The following GALNT18 variants were observed in gnomAD, a reference collection of about 807,000 sequenced individuals.
The protein encoded by GALNT18 is polypeptide N-acetylgalactosaminyltransferase 18, also known as GalNAc-transferase 18.
A neutral mutation model predicts 69.5 loss-of-function variants in GALNT18; 44 were observed. The observed-to-expected ratio is 0.63, with a 90% CI of 0.50 to 0.81. GALNT18 has a LOEUF of 0.81. Among genes scored for constraint, GALNT18 ranks in the 40% least tolerant of loss-of-function variants. The pLI, the probability that GALNT18 is intolerant of heterozygous loss-of-function variation, is 0.00. For synonymous variants in GALNT18, 364 were observed against 318.2 expected (o/e 1.14, Z -1.53); for missense variants, 715 against 810.0 (o/e 0.88, Z 1.42).
At position 11,621,276 on chromosome 11, in the gene GALNT18, T is replaced by C. The variant is rs1021409758; in HGVS notation, c.235+83A>G. The C allele has an allele frequency of 1.7e-6, 2 of 1,148,946 alleles. No homozygotes were observed. Among genetic ancestry groups the C allele is most frequent in the Non-Finnish European group, 2.5e-6 (2 of 791,238 alleles). The allele number at this position is 1,148,946 out of a possible 1,614,324, so 71.2% of individuals were successfully genotyped here. On this transcript the variant is annotated intron_variant, in intron 1 of 10. Coordinates refer to ENST00000227756, the MANE Select transcript of GALNT18 (RefSeq NM_198516.3). This position sits in a 1 kb window ranked among gnomAD's most constrained non-coding sequence, Gnocchi z 9.3. Reference sequence around the variant, plus strand: ...CAGAGCCCCGCCGTGGCTGAGTTGATGCGCACCAGCCCCAGCGCACCCCGC... The same window carrying C: ...CAGAGCCCCGCCGTGGCTGAGTTGACGCGCACCAGCCCCAGCGCACCCCGC...
chr11:11,329,784 C>G (rs1849987869), intron 8 of GALNT18, among the ~76,000 whole-genome samples: 1 of 152,176 alleles, frequency 6.6e-6, no homozygotes, highest in Admixed American at 6.5e-5. Context: ...AAATGACTGG[C>G]ATTCCCAAAT....
At chr11:11,556,401 C>T (rs568453432) in intron 1 of GALNT18, among the ~76,000 whole-genome samples, 193 of 152,312 alleles carry the variant, frequency 1.3e-3, no homozygotes, top group Non-Finnish European at 2.3e-3. Flanking sequence ...TGGGGTAAGT[C>T]GCCAACATGG....
chr11:11,507,534 C>T (rs1352515015), intron 1 of GALNT18, among the ~76,000 whole-genome samples: 1 of 152,080 alleles, frequency 6.6e-6, no homozygotes, highest in East Asian at 1.9e-4. Flanking sequence ...TCTTCTTCCC[C>T]TTCCCTAACT....
rs1189375868 is a variant in GALNT18, at chr11:11,617,925, CT to C, written c.235+3433del. Among the ~76,000 whole-genome samples the C allele has an allele frequency of 1.3e-5, 2 of 152,088 alleles. No homozygotes were observed. The highest frequency in any genetic ancestry group is 2.9e-5 in the Non-Finnish European group (2 of 68,020). On this transcript the variant is annotated intron_variant, in intron 1 of 10. Coordinates refer to ENST00000227756, the MANE Select transcript of GALNT18 (RefSeq NM_198516.3). This position sits in a 1 kb window ranked among gnomAD's most constrained non-coding sequence, Gnocchi z 4.7. Reference sequence around the variant, plus strand: ...TTTGTGTTTCTAAACCCCCAGGATGCTTTTTTTAAAAACTCATAAGTTATCC... The same window carrying C: ...TTTGTGTTTCTAAACCCCCAGGATGCTTTTTTAAAAACTCATAAGTTATCC...
At chr11:11,274,047 G>GGT (rs1472490019) in intron 10 of GALNT18, among the ~76,000 whole-genome samples, 4 of 152,128 alleles carry the variant, frequency 2.6e-5, no homozygotes, top group African/African-American at 9.7e-5. Context: ...GCTGAAGCAG[G>GGT]GTGGGTTATC....
chr11:11,427,056 A>G (rs1394862605), intron 3 of GALNT18, among the ~76,000 whole-genome samples: 1 of 152,232 alleles, frequency 6.6e-6, no homozygotes, highest in East Asian at 1.9e-4. Flanking sequence ...CTGGGATTAC[A>G]GGCATGAGCC....
chr11:11,464,481 G>A (rs1435224437), intron 1 of GALNT18, among the ~76,000 whole-genome samples: 1 of 152,146 alleles, frequency 6.6e-6, no homozygotes, highest in East Asian at 1.9e-4. Flanking sequence ...AAGGAGGCAT[G>A]GGCCCAGATC....
intron 1 of GALNT18, among the ~76,000 whole-genome samples, chr11:11,464,436 G>C (rs1390667505): frequency 6.6e-6 from 1 of 152,116 alleles, no homozygotes; most frequent in Non-Finnish European, 1.5e-5. Context: ...CTGATGCACA[G>C]CCTGTCTTGG....
At chr11:11,425,053 C>T (rs1298183853) in intron 3 of GALNT18, among the ~76,000 whole-genome samples, 1 of 152,170 alleles carries the variant, frequency 6.6e-6, no homozygotes, top group Admixed American at 6.5e-5. Flanking sequence ...GGCACACTGG[C>T]AGGTTTCTGC....
chr11:11,341,144 T>A lies in GALNT18; in HGVS notation c.1093-140A>T. The stretch of plus-strand genomic sequence containing the variant: ...CCCCAGATCACTCTCTGTGAAGGAG[T>A]AGGCCATACCTGATTTCTGCTCCTA... On this transcript the variant is annotated intron_variant, in intron 6 of 10. Transcript: ENST00000227756. The surrounding 1 kb of genome is among the most constrained non-coding windows in gnomAD (Gnocchi z 6.3). 1.4e-6 allele frequency: 1 copy of A among 698,834 alleles called. No homozygotes were observed. The highest frequency in any genetic ancestry group is 2.3e-6 in the Non-Finnish European group (1 of 427,142). The allele number at this position is 698,834 out of a possible 1,614,324, so 43.3% of individuals were successfully genotyped here. A position where few individuals can be genotyped will look rare whatever the true frequency, so the allele number is the denominator to read the frequency against.
At chr11:11,291,516 G>T (rs1479184626) in intron 10 of GALNT18, among the ~76,000 whole-genome samples, 9 of 150,384 alleles carry the variant, frequency 6.0e-5, no homozygotes. Flanking sequence ...TTCCTATTGG[G>T]ATAGAACTTC....
intron 1 of GALNT18, among the ~76,000 whole-genome samples, chr11:11,514,590 C>A (rs1032019794): frequency 1.3e-5 from 2 of 152,204 alleles, no homozygotes; most frequent in African/African-American, 4.8e-5. Context: ...ACTAGTCCTG[C>A]GACCCCTTCC....
intron 6 of GALNT18, among the ~76,000 whole-genome samples, chr11:11,348,645 A>T (rs1850346249): frequency 6.6e-6 from 1 of 152,120 alleles, no homozygotes; most frequent in Non-Finnish European, 1.5e-5. Context: ...CTCATCTCTC[A>T]TGCCATCTAG....
chr11:11,450,746 C>T (rs1184398437), intron 1 of GALNT18, among the ~76,000 whole-genome samples: 1 of 152,220 alleles, frequency 6.6e-6, no homozygotes, highest in Non-Finnish European at 1.5e-5. Context: ...AGGCTCTGTC[C>T]TAAGCATTTT....
At chr11:11,280,274 A>AAG (rs1322458596) in intron 10 of GALNT18, among the ~76,000 whole-genome samples, 2 of 152,134 alleles carry the variant, frequency 1.3e-5, no homozygotes, top group East Asian at 3.9e-4. Flanking sequence ...CGGCCTCTGA[A>AAG]AGGGGCCCTT....
At position 11,341,968 on chromosome 11, in the gene GALNT18, A is replaced by T. The variant is rs796560566; in HGVS notation, c.1093-964T>A. 4.1e-4 allele frequency among the ~76,000 whole-genome samples: 54 copies of T among 131,962 alleles called. No individual in the cohort carries two copies. The highest frequency in any genetic ancestry group is 1.1e-3 in the African/African-American group (30 of 27,004). 86.6% of individuals were successfully genotyped at this position (131,962 alleles called of 152,430 possible). A position where few individuals can be genotyped will look rare whatever the true frequency, so the allele number is the denominator to read the frequency against. On this transcript the variant is annotated intron_variant, in intron 6 of 10. Transcript: ENST00000227756. The surrounding 1 kb of genome is among the most constrained non-coding windows in gnomAD (Gnocchi z 6.3). ...GAGATCCTGTCTCTAAAACATTAAAATTTTTTTTTTTTTAAAAAGACCTTG... is the reference window on the plus strand; with the variant it reads ...GAGATCCTGTCTCTAAAACATTAAATTTTTTTTTTTTTTAAAAAGACCTTG...
intron 10 of GALNT18, among the ~76,000 whole-genome samples, chr11:11,280,255 C>CT (rs1224690539): frequency 1.3e-5 from 2 of 152,184 alleles, no homozygotes; most frequent in African/African-American, 4.8e-5. Context: ...AGGGAGAAAC[C>CT]TGCAGGCTCG....
intron 10 of GALNT18, among the ~76,000 whole-genome samples, chr11:11,278,747 A>G (rs866965889): frequency 2.0e-5 from 3 of 152,200 alleles, no homozygotes; most frequent in African/African-American, 7.2e-5. Context: ...GTTAATAGGT[A>G]CAAAAATACA....
Position 11,564,147 on chromosome 11 carries a change from A to G in GALNT18, c.235+57212T>C, listed in dbSNP as rs1858585019. Among the ~76,000 whole-genome samples, 1 of 152,216 alleles carries G rather than the reference A, an allele frequency of 6.6e-6. No individual in the cohort carries two copies. Among genetic ancestry groups the G allele is most frequent in the Non-Finnish European group, 1.5e-5 (1 of 68,038 alleles). On this transcript the variant is annotated intron_variant, in intron 1 of 10. Coordinates refer to ENST00000227756, the MANE Select transcript of GALNT18 (RefSeq NM_198516.3). The surrounding 1 kb of genome is among the most constrained non-coding windows in gnomAD (Gnocchi z 4.3). Reference sequence around the variant, plus strand: ...TGAAGGAACTTGAGCATAGAGAGGTAGAACAACTTTCCCAAGGCCAGAGAG... The same window carrying G: ...TGAAGGAACTTGAGCATAGAGAGGTGGAACAACTTTCCCAAGGCCAGAGAG...
Sources: gnomAD v4.1 joint callset for allele counts (sites outside exome capture counted in the v4.1 genomes callset) on GRCh38, gnomAD v4.1.1 for gene constraint, Gnocchi (gnomAD v3.1) non-coding constraint, MANE v1.5 for transcripts, NCBI Gene and HGNC (gene_info 2026-07-23, HGNC 2026-07-21) for gene names.